Variants in DAAM2 observed in about 807,000 individuals in gnomAD.
DAAM2 encodes the protein disheveled-associated activator of morphogenesis 2.
DAAM2 carries 39 observed loss-of-function variants against 120.7 expected under a neutral mutation model. The ratio of observed to expected loss-of-function variants is 0.32; its 90% confidence interval spans 0.25 to 0.42. DAAM2 has a LOEUF of 0.42. Among genes scored for constraint, DAAM2 ranks in the 10% least tolerant of loss-of-function variants. The pLI, the probability that DAAM2 is intolerant of heterozygous loss-of-function variation, is 1.00. For synonymous variants in DAAM2, 488 were observed against 524.9 expected, an observed-to-expected ratio of 0.93 and a Z score of 0.96; for missense variants, 1,283 against 1,401.7, an observed-to-expected ratio of 0.92 and a Z score of 1.35.
intron 1 of DAAM2, among the ~76,000 whole-genome samples, chr6:39,852,302 G>C (rs1231898221): frequency 1.3e-5 from 2 of 152,174 alleles, no homozygotes; most frequent in African/African-American, 4.8e-5. Flanking sequence ...AAGAGGTTTT[G>C]CAGAAATGAA....
chr6:39,837,704 T>C (rs1379020945), intron 1 of DAAM2, among the ~76,000 whole-genome samples: 1 of 126,962 alleles, frequency 7.9e-6, no homozygotes, highest in Non-Finnish European at 1.6e-5. Flanking sequence ...AAAAAAGAAA[T>C]GGCTGCTATT....
chr6:39,857,029 T>C (rs73734929), intron 2 of DAAM2, among the ~76,000 whole-genome samples: 4,306 of 152,286 alleles, frequency 0.028, 151 homozygotes, highest in African/African-American at 0.094. Context: ...AGGCGGAAGC[T>C]CTGCCATTCA....
At position 39,825,415 on chromosome 6, in the gene DAAM2, A is replaced by G. The variant is rs574244090; in HGVS notation, c.-56-30832A>G. On this transcript the variant is annotated intron_variant, in intron 1 of 24. Transcript: ENST00000274867. The stretch of plus-strand genomic sequence containing the variant: ...AAAACAAAACAAAACAAAACAAAAC[A>G]AAACAAAACAAAACACAAGGTCGGG... Among the ~76,000 whole-genome samples the G allele has an allele frequency of 1.5e-4, 17 of 116,884 alleles. No homozygotes were observed. The East Asian group carries it at 3.7e-3, about 25-fold the overall frequency. The allele number at this position is 116,884 out of a possible 152,430, so 76.7% of individuals were successfully genotyped here.
chr6:39,843,828 A>G (rs746556310), intron 1 of DAAM2, among the ~76,000 whole-genome samples: 1 of 151,958 alleles, frequency 6.6e-6, no homozygotes, highest in African/African-American at 2.4e-5. Context: ...GTGAGCTGGG[A>G]TGGGGAGATG....
chr6:39,814,058 C>A (rs67349739), intron 1 of DAAM2, among the ~76,000 whole-genome samples: 2 of 152,046 alleles, frequency 1.3e-5, no homozygotes, highest in Admixed American at 6.5e-5. Flanking sequence ...TTGTTCAGCC[C>A]GTGGCCCATG....
Position 39,901,435 on chromosome 6 carries a change from A to T in DAAM2, c.2945A>T (p.Lys982Met). 6.2e-7 allele frequency: 1 copy of T among 1,609,846 alleles called. No homozygotes were observed. Among genetic ancestry groups the T allele is most frequent in the Non-Finnish European group, 8.5e-7 (1 of 1,177,708 alleles). Residue 982 changes from lysine (K) to methionine (M), a missense_variant, in exon 24 of 25, where the codon AAG becomes ATG. By Grantham distance (95) the Lys-to-Met change is moderately conservative. This residue lies in a region of DAAM2 where 748 missense variants were observed against 768.6 expected (regional missense o/e 0.97). Transcript: ENST00000274867. This position sits in a 1 kb window ranked among gnomAD's most constrained non-coding sequence, Gnocchi z 4.5. ...RQDLEAMRRR[K>M]EEEERRARME... ...GATCTAGAGGCCATGAGGAGGAGGA[A>T]GGAGGAGGAGGAGCGGCGGGCGCGC... is the stretch of plus-strand genomic sequence containing the variant.
chr6:39,825,761 A>G (rs1028593202), intron 1 of DAAM2, among the ~76,000 whole-genome samples: 4 of 152,170 alleles, frequency 2.6e-5, no homozygotes, highest in African/African-American at 9.7e-5. Flanking sequence ...CAGGTGTACA[A>G]GCCCTGCAGG....
chr6:39,812,067 G>C (rs1762179180), intron 1 of DAAM2, among the ~76,000 whole-genome samples: 1 of 152,166 alleles, frequency 6.6e-6, no homozygotes, highest in South Asian at 2.1e-4. Context: ...GCCCAAACCT[G>C]CCAGAACTAA....
At chr6:39,843,203 G>A (rs1388569769) in intron 1 of DAAM2, among the ~76,000 whole-genome samples, 3 of 152,138 alleles carry the variant, frequency 2.0e-5, no homozygotes, top group African/African-American at 7.2e-5. Context: ...GGGAGTTGGA[G>A]ATAAAAATGT....
At chr6:39,872,680 G>A (rs1175781725) in intron 9 of DAAM2, among the ~76,000 whole-genome samples, 1 of 152,172 alleles carries the variant, frequency 6.6e-6, no homozygotes, top group East Asian at 1.9e-4. Flanking sequence ...AAAAGCCCTG[G>A]ATTTATAGAT....
At chr6:39,820,948 G>A (rs1056870857) in intron 1 of DAAM2, 1 of 152,250 alleles carries the variant, frequency 6.6e-6, no homozygotes. Context: ...CAGCCCTAGA[G>A]GAAAGTAGGT....
At chr6:39,897,381 T>C (rs1582771033) in intron 21 of DAAM2, 99 bp downstream of exon 21, 2 of 747,742 alleles carry the variant, frequency 2.7e-6, no homozygotes, top group Non-Finnish European at 4.6e-6. Flanking sequence ...TGATGGCTGG[T>C]GTGAGACCTC....
In DAAM2 at chr6:39,904,415, G is replaced by C; in HGVS notation, c.*2378G>C. On this transcript the variant is annotated 3_prime_UTR_variant, in exon 25 of 25. Coordinates refer to ENST00000274867, the MANE Select transcript of DAAM2 (RefSeq NM_001201427.2). Reference sequence around the variant, plus strand: ...GCTGGTGCCCAGTCGGGGTGGCTGAGCTGGTCCTTAATAGGTTGTTTCTTG... The same window carrying C: ...GCTGGTGCCCAGTCGGGGTGGCTGACCTGGTCCTTAATAGGTTGTTTCTTG... The C allele has an allele frequency of 2.2e-6, 1 of 455,434 alleles. No individual in the cohort carries two copies. Among genetic ancestry groups the C allele is most frequent in the Non-Finnish European group, 4.4e-6 (1 of 226,980 alleles). 28.2% of individuals were successfully genotyped at this position (455,434 alleles called of 1,614,324 possible).
intron 19 of DAAM2, among the ~76,000 whole-genome samples, chr6:39,896,194 T>TTTTTTC (rs1766076417): frequency 1.3e-5 from 2 of 148,896 alleles, no homozygotes; most frequent in African/African-American, 2.5e-5. Context: ...CTGAATAATC[T>TTTTTTC]TTTTTTCTTT....
At chr6:39,837,534 G>A (rs1373056201) in intron 1 of DAAM2, among the ~76,000 whole-genome samples, 1 of 151,748 alleles carries the variant, frequency 6.6e-6, no homozygotes, top group African/African-American at 2.4e-5. Flanking sequence ...ATGGTGGCAT[G>A]CGCCTGTAAT....
chr6:39,801,643 G>A (rs1039759482), intron 1 of DAAM2, among the ~76,000 whole-genome samples: 5 of 152,232 alleles, frequency 3.3e-5, no homozygotes, highest in Non-Finnish European at 7.3e-5. Flanking sequence ...TTTGTCCCAA[G>A]CACAGGCGGT....
chr6:39,872,481 C>A (rs765093907), intron 9 of DAAM2, among the ~76,000 whole-genome samples: 3 of 152,220 alleles, frequency 2.0e-5, no homozygotes, highest in Non-Finnish European at 2.9e-5. Context: ...CTTCCAGCAA[C>A]TTCCTGAGTC....
At chr6:39,882,701 GCGCACACACACACACA>G (rs770194603) in intron 14 of DAAM2, among the ~76,000 whole-genome samples, 10 of 84,446 alleles carry the variant, frequency 1.2e-4, no homozygotes, top group African/African-American at 4.0e-4. Flanking sequence ...GCTTCTGTGA[GCGCACACACACACACA>G]CGCACACACA....
rs1009811607 is a variant in DAAM2, at chr6:39,903,937, T to G, written c.*1900T>G. 3.0e-6 allele frequency: 1 copy of G among 335,812 alleles called. No individual in the cohort carries two copies. Among genetic ancestry groups the G allele is most frequent in the East Asian group, 7.8e-5 (1 of 12,766 alleles). 20.8% of individuals were successfully genotyped at this position (335,812 alleles called of 1,614,324 possible). A position where few individuals can be genotyped will look rare whatever the true frequency, so the allele number is the denominator to read the frequency against. Reference sequence around the variant, plus strand: ...TTCCAGGCAGAACAGCTGCAGAGAGTTTGGCTATATGCATCTGCAGCCCCA... The same window carrying G: ...TTCCAGGCAGAACAGCTGCAGAGAGGTTGGCTATATGCATCTGCAGCCCCA... On this transcript the variant is annotated 3_prime_UTR_variant, in exon 25 of 25. Transcript: ENST00000274867.
Sources: allele counts gnomAD v4.1 joint callset (sites outside exome capture counted in the v4.1 genomes callset), GRCh38; gene constraint gnomAD v4.1.1; regional missense constraint gnomAD v4.1.1; non-coding constraint Gnocchi (gnomAD v3.1); transcripts MANE v1.5; gene names NCBI Gene and HGNC (gene_info 2026-07-23, HGNC 2026-07-21).